PIK3CD: variants seen among roughly 807,000 people sequenced by gnomAD.
The protein encoded by PIK3CD is phosphatidylinositol-4,5-bisphosphate 3-kinase catalytic subunit delta.
A neutral mutation model predicts 122.9 loss-of-function variants in PIK3CD; 20 were observed. That is an observed-to-expected ratio of 0.16 (90% CI 0.11 to 0.24). PIK3CD has a LOEUF of 0.24. Ranked by LOEUF, PIK3CD falls within the 10% of genes least tolerant of loss-of-function variation. The pLI, the probability that PIK3CD is intolerant of heterozygous loss-of-function variation, is 1.00. For missense variants in PIK3CD, 787 were observed against 1,406.3 expected, an observed-to-expected ratio of 0.56 and a Z score of 7.04; for synonymous variants, 596 against 593.4, an observed-to-expected ratio of 1.00 and a Z score of -0.06.
intron 1 of PIK3CD, among the ~76,000 whole-genome samples, chr1:9,678,155 AAAAC>A (rs1470525308): frequency 2.0e-5 from 3 of 151,764 alleles, no homozygotes; most frequent in Admixed American, 6.6e-5. Flanking sequence ...AAAAAAAAAA[AAAAC>A]AAAAACAAAA....
intron 2 of PIK3CD, among the ~76,000 whole-genome samples, chr1:9,703,205 GA>G (rs1484392041): frequency 6.6e-6 from 1 of 152,248 alleles, no homozygotes; most frequent in Non-Finnish European, 1.5e-5. Flanking sequence ...CCACTGGACT[GA>G]CTTGATAGTC....
chr1:9,721,152 C>T lies in PIK3CD; in HGVS notation c.1715C>T (p.Pro572Leu), dbSNP rs756348630. 6 of 1,612,680 alleles carry T rather than the reference C, an allele frequency of 3.7e-6. No homozygotes were observed. Among genetic ancestry groups the T allele is most frequent in the Non-Finnish European group, 4.2e-6 (5 of 1,179,954 alleles). Reference protein sequence around the residue: ...AQMLYLLCSWPELPVLSALEL... With the variant: ...AQMLYLLCSWLELPVLSALEL... The stretch of plus-strand genomic sequence containing the variant: ...ATGCTCTACCTGCTGTGCTCCTGGC[C>T]GGAGCTGCCCGTCCTGAGCGCCCTG... Residue 572 changes from proline (P) to leucine (L), a missense_variant, in exon 14 of 24, where the codon CCG becomes CTG. Transcript: ENST00000377346.
chr1:9,676,656 C>T (rs1469026767), intron 1 of PIK3CD, among the ~76,000 whole-genome samples: 1 of 152,168 alleles, frequency 6.6e-6, no homozygotes, highest in East Asian at 1.9e-4. Flanking sequence ...GGCAGTGGTA[C>T]GGTGGTAAAG....
chr1:9,719,785 A>G lies in PIK3CD; in HGVS notation c.1243-136A>G, dbSNP rs562498794. 5 of 776,614 alleles carry G rather than the reference A, an allele frequency of 6.4e-6. No homozygotes were observed. The Admixed American group carries it at 9.4e-5, about 15-fold the overall frequency. 48.1% of individuals were successfully genotyped at this position (776,614 alleles called of 1,614,324 possible). ...AAGCGGCTCCTCTCCTTCCCCAAGC[A>G]GGGTCTCCCAGGGGTCTGGTTGGGA... On this transcript the variant is annotated intron_variant, in intron 9 of 23. Coordinates refer to ENST00000377346, the MANE Select transcript of PIK3CD (RefSeq NM_005026.5). This position sits in a 1 kb window ranked among gnomAD's most constrained non-coding sequence, Gnocchi z 5.5.
intron 14 of PIK3CD, 78 bp from the exon 15 acceptor site, chr1:9,721,366 C>A: frequency 6.2e-7 from 1 of 1,608,342 alleles, no homozygotes; most frequent in South Asian, 1.1e-5. Flanking sequence ...CCTGCCTGGC[C>A]TCCCTCTGGC....
In PIK3CD at chr1:9,727,793, C is replaced by T. The variant is rs1228674364; in HGVS notation, c.*747C>T. ...AGCAGGTCAGAAGCGAATACTCTGC[C>T]ATTATCTCAAAAATCTTTTTTTTTT... On this transcript the variant is annotated 3_prime_UTR_variant, in exon 24 of 24. Transcript: ENST00000377346. 5.1e-6 allele frequency: 1 copy of T among 194,202 alleles called. No homozygotes were observed. The highest frequency in any genetic ancestry group is 1.1e-5 in the Non-Finnish European group (1 of 93,854). The allele number at this position is 194,202 out of a possible 1,614,324, so 12.0% of individuals were successfully genotyped here. A position where few individuals can be genotyped will look rare whatever the true frequency, so the allele number is the denominator to read the frequency against.
At chr1:9,641,104 G>A in the PIK3CD span, among the ~76,000 whole-genome samples, 3 of 152,122 alleles carry the variant, frequency 2.0e-5, no homozygotes, top group East Asian at 5.8e-4. Context: ...ATTCTTCTTA[G>A]TTTCTCTTCC....
chr1:9,662,731 C>G (rs1019269462), intron 1 of PIK3CD: 1 of 152,086 alleles, frequency 6.6e-6, no homozygotes. Flanking sequence ...CTCTTTTTCC[C>G]AGGCTGGAGT....
At chr1:9,640,037 C>T in the PIK3CD span, among the ~76,000 whole-genome samples, 9 of 151,444 alleles carry the variant, frequency 5.9e-5, no homozygotes, top group African/African-American at 1.9e-4. Flanking sequence ...CCACCGTGCC[C>T]GACCTCCTTT....
At chr1:9,654,275 C>T (rs752016718) in intron 1 of PIK3CD, 19 of 1,367,630 alleles carry the variant, frequency 1.4e-5, no homozygotes, top group Non-Finnish European at 1.9e-5. Flanking sequence ...GCAGGAAAAG[C>T]GCGTTTCTGC....
chr1:9,639,915 T>C, the PIK3CD span, among the ~76,000 whole-genome samples: 1 of 152,036 alleles, frequency 6.6e-6, no homozygotes, highest in South Asian at 2.1e-4. Context: ...AATTTGTTTT[T>C]ATTTTTAGTG....
chr1:9,715,640 G>C lies in PIK3CD; in HGVS notation c.241G>C (p.Glu81Gln), dbSNP rs1253851300. ...CATCAACCAGACAGCGGAGCAGCAA[G>C]AGCTGGAGGACGAGCAACGGCGTCT... ...TCINQTAEQQELEDEQRRLCD... is the reference protein window; with the variant it reads ...TCINQTAEQQQLEDEQRRLCD... Residue 81 changes from glutamate (E) to glutamine (Q), a missense_variant, in exon 4 of 24, where the codon GAG (glutamate) becomes CAG (glutamine). This residue lies in a region of PIK3CD where 592 missense variants were observed against 920.6 expected (regional missense o/e 0.64). Coordinates refer to ENST00000377346, the MANE Select transcript of PIK3CD (RefSeq NM_005026.5). This position sits in a 1 kb window ranked among gnomAD's most constrained non-coding sequence, Gnocchi z 4.1. The C allele has an allele frequency of 6.2e-7, 1 of 1,613,806 alleles. No individual in the cohort carries two copies. The highest frequency in any genetic ancestry group is 1.7e-5 in the Admixed American group (1 of 60,034).
intron 3 of PIK3CD, among the ~76,000 whole-genome samples, chr1:9,712,628 CGAAAGAA>C (rs1487594626): frequency 6.6e-6 from 1 of 152,150 alleles, no homozygotes; most frequent in Non-Finnish European, 1.5e-5. Flanking sequence ...GGAAAAAATA[CGAAAGAA>C]GTAATGGATC....
intron 6 of PIK3CD, 53 bp downstream of exon 6, chr1:9,716,672 C>A: frequency 2.0e-6 from 3 of 1,516,144 alleles, no homozygotes; most frequent in Non-Finnish European, 2.7e-6. Flanking sequence ...CTGGATAGGG[C>A]CTGGGTGGGA....
In PIK3CD at chr1:9,704,739, C is replaced by T. The variant is rs1646765106; in HGVS notation, c.-32-5685C>T. 6.6e-6 allele frequency among the ~76,000 whole-genome samples: 1 copy of T among 152,230 alleles called. No homozygotes were observed. The highest frequency in any genetic ancestry group is 1.5e-5 in the Non-Finnish European group (1 of 68,040). On this transcript the variant is annotated intron_variant, in intron 2 of 23. Transcript: ENST00000377346. The surrounding 1 kb of genome is among the most constrained non-coding windows in gnomAD (Gnocchi z 5.0). ...TGTTTCGCAGGCTGGTCACCAATGCCTGAGCTCAAAGTGATCCACTGGCCT... is the reference window on the plus strand; with the variant it reads ...TGTTTCGCAGGCTGGTCACCAATGCTTGAGCTCAAAGTGATCCACTGGCCT...
chr1:9,712,736 C>G (rs1647105404), intron 3 of PIK3CD, among the ~76,000 whole-genome samples: 1 of 152,096 alleles, frequency 6.6e-6, no homozygotes, highest in Non-Finnish European at 1.5e-5. Flanking sequence ...AATATGGACA[C>G]ATTACAATTT....
chr1:9,637,043 G>A, the PIK3CD span, among the ~76,000 whole-genome samples: 20 of 151,880 alleles, frequency 1.3e-4, no homozygotes, highest in Non-Finnish European at 1.8e-4. Context: ...GACTACAGGC[G>A]CCCGCCACCA....
At chr1:9,634,341 T>C in the PIK3CD span, among the ~76,000 whole-genome samples, 1 of 152,096 alleles carries the variant, frequency 6.6e-6, no homozygotes, top group African/African-American at 2.4e-5. Context: ...TTTGTATTTT[T>C]AGTAGACACG....
the PIK3CD span, among the ~76,000 whole-genome samples, chr1:9,634,806 T>G: frequency 6.6e-6 from 1 of 152,166 alleles, no homozygotes; most frequent in African/African-American, 2.4e-5. Flanking sequence ...CACCAATATG[T>G]GTATTATTTG....
Sources: gnomAD v4.1 joint callset for allele counts (sites outside exome capture counted in the v4.1 genomes callset) on GRCh38, gnomAD v4.1.1 for gene constraint, gnomAD v4.1.1 regional missense constraint, Gnocchi (gnomAD v3.1) non-coding constraint, MANE v1.5 for transcripts, NCBI Gene and HGNC (gene_info 2026-07-23, HGNC 2026-07-21) for gene names.